TTC33: variants seen among roughly 807,000 people sequenced by gnomAD.
TTC33 encodes the protein tetratricopeptide repeat protein 33.
TTC33 carries 24 observed loss-of-function variants against 29.4 expected under a neutral mutation model. The ratio of observed to expected loss-of-function variants is 0.82; its 90% CI spans 0.59 to 1.15. TTC33 has a LOEUF of 1.15. Ranked by LOEUF, TTC33 falls within the 50% of genes most tolerant of loss-of-function variation. The pLI is 0.00. For missense variants in TTC33, 286 were observed against 310.4 expected (o/e 0.92, Z 0.59); for synonymous variants, 107 against 100.3 (o/e 1.07, Z -0.40).
rs762106277 is a variant in TTC33, at chr5:40,716,453, G to A, written c.481C>T (p.Pro161Ser). ...GAGAGGTCTTCTTTCCATATTTCAGGGTTCATTGGATAGATGTGAAGGGCT... is the reference window on the plus strand; with the variant it reads ...GAGAGGTCTTCTTTCCATATTTCAGAGTTCATTGGATAGATGTGAAGGGCT... Reference protein sequence around the residue: ...QVALHIYPMNPEIWKEDLSWA... With the variant: ...QVALHIYPMNSEIWKEDLSWA... Residue 161 changes from proline (P) to serine (S), a missense_variant, in exon 5 of 5, where the codon CCT becomes TCT. Pro to Ser is a moderately conservative substitution (Grantham distance 74, BLOSUM62 -1). Coordinates refer to ENST00000337702, the MANE Select transcript of TTC33 (RefSeq NM_012382.3). The A allele has an allele frequency of 1.2e-5, 19 of 1,613,250 alleles. No individual in the cohort carries two copies. Among genetic ancestry groups the A allele is most frequent in the Non-Finnish European group, 1.5e-5 (18 of 1,179,838 alleles).
chr5:40,723,709 AC>A (rs1188090916), intron 4 of TTC33, among the ~76,000 whole-genome samples: 1 of 152,112 alleles, frequency 6.6e-6, no homozygotes, highest in Non-Finnish European at 1.5e-5. Context: ...TACTAAAAAT[AC>A]AAAAATTAGC....
chr5:40,737,151 G>A (rs1742570262), intron 2 of TTC33, among the ~76,000 whole-genome samples: 1 of 152,128 alleles, frequency 6.6e-6, no homozygotes, highest in African/African-American at 2.4e-5. Context: ...CAAAAAATCA[G>A]CCAGGCATGG....
chr5:40,731,413 G>A (rs1179879303), intron 2 of TTC33, among the ~76,000 whole-genome samples: 1 of 152,106 alleles, frequency 6.6e-6, no homozygotes, highest in South Asian at 2.1e-4. Context: ...CTGCAATAAA[G>A]AACTGCCCAA....
At chr5:40,749,945 G>A (rs906592544) in intron 1 of TTC33, among the ~76,000 whole-genome samples, 9 of 151,880 alleles carry the variant, frequency 5.9e-5, no homozygotes, top group African/African-American at 2.2e-4. Context: ...AAAATTATCC[G>A]GGCGTGGTGG....
chr5:40,748,797 T>C (rs968400729), intron 1 of TTC33, among the ~76,000 whole-genome samples: 2 of 152,210 alleles, frequency 1.3e-5, no homozygotes, highest in South Asian at 4.1e-4. Flanking sequence ...AGATTCAAAC[T>C]TGGTAAACGA....
intron 2 of TTC33, among the ~76,000 whole-genome samples, chr5:40,745,981 C>G (rs556618730): frequency 6.6e-6 from 1 of 152,054 alleles, no homozygotes; most frequent in Non-Finnish European, 1.5e-5. Flanking sequence ...AGATACCATT[C>G]TATATTTTCT....
chr5:40,723,972 A>C (rs1489638264), intron 4 of TTC33, among the ~76,000 whole-genome samples: 1 of 152,218 alleles, frequency 6.6e-6, no homozygotes, highest in African/African-American at 2.4e-5. Flanking sequence ...GCCATTATGG[A>C]GTTTCTTCAA....
In TTC33 at chr5:40,746,975, G is replaced by A. The variant is rs2111933943; in HGVS notation, c.44C>T (p.Ser15Leu). ...GWKRKIGEKV[S>L]KVTSQQFEAE... Reference sequence around the variant, plus strand: ...TTCAAACTGCTGGGAAGTGACCTTTGAGACCTTCTCACCAATTTTCCTCTT... The same window carrying A: ...TTCAAACTGCTGGGAAGTGACCTTTAAGACCTTCTCACCAATTTTCCTCTT... Residue 15 changes from serine (S) to leucine (L), a missense_variant, in exon 2 of 5, where the codon TCA becomes TTA. By Grantham distance (145) the Ser-to-Leu change is moderately radical (BLOSUM62 -2). Transcript: ENST00000337702. The A allele has an allele frequency of 1.2e-6, 2 of 1,613,974 alleles. No homozygotes were observed. Among genetic ancestry groups the A allele is most frequent in the Middle Eastern group, 1.7e-4 (1 of 6,060 alleles).
chr5:40,716,844 T>C (rs1742011735), intron 4 of TTC33, among the ~76,000 whole-genome samples: 1 of 152,204 alleles, frequency 6.6e-6, no homozygotes, highest in Non-Finnish European at 1.5e-5. Context: ...ATCACAAAGG[T>C]ACCAGGAGTG....
intron 4 of TTC33, among the ~76,000 whole-genome samples, chr5:40,725,941 A>C (rs1742273679): frequency 6.6e-6 from 1 of 151,702 alleles, no homozygotes; most frequent in Admixed American, 6.6e-5. Context: ...GCCCGCCACC[A>C]CGTCCAGCTA....
Position 40,713,650 on chromosome 5 carries a change from T to C in TTC33, c.*2495A>G, listed in dbSNP as rs564060797. 8.9e-4 allele frequency among the ~76,000 whole-genome samples: 136 copies of C among 152,308 alleles called. No individual in the cohort carries two copies. Among genetic ancestry groups the C allele is most frequent in the African/African-American group, 3.2e-3 (132 of 41,586 alleles). ...GATTCTTGTGTTATCAGGCATGGTC[T>C]GGATGTCTAGACACTCTGACTAATG... On this transcript the variant is annotated 3_prime_UTR_variant, in exon 5 of 5. Transcript: ENST00000337702.
chr5:40,738,532 T>C (rs1294522191), intron 2 of TTC33, among the ~76,000 whole-genome samples: 1 of 127,580 alleles, frequency 7.8e-6, no homozygotes, highest in African/African-American at 2.9e-5. Flanking sequence ...TAAAATACAA[T>C]AAAATACAAT....
In TTC33 at chr5:40,713,691, C is replaced by A. The variant is rs1364075563; in HGVS notation, c.*2454G>T. 1.3e-5 allele frequency among the ~76,000 whole-genome samples: 2 copies of A among 152,096 alleles called. No homozygotes were observed. The highest frequency in any genetic ancestry group is 2.9e-5 in the Non-Finnish European group (2 of 68,012). Reference sequence around the variant, plus strand: ...CTGACTAATGAGTGTCTATGCCATACAATTCTCAAACAAGAATAATGTAAA... The same window carrying A: ...CTGACTAATGAGTGTCTATGCCATAAAATTCTCAAACAAGAATAATGTAAA... On this transcript the variant is annotated 3_prime_UTR_variant, in exon 5 of 5. Transcript: ENST00000337702.
At chr5:40,741,891 A>G (rs1742702860) in intron 2 of TTC33, among the ~76,000 whole-genome samples, 1 of 152,166 alleles carries the variant, frequency 6.6e-6, no homozygotes, top group Non-Finnish European at 1.5e-5. Flanking sequence ...CAGGAGGCTG[A>G]GGCAGGAGAA....
intron 4 of TTC33, 96 bp from the exon 5 acceptor site, chr5:40,716,594 C>T: frequency 1.3e-6 from 1 of 786,454 alleles, no homozygotes; most frequent in Non-Finnish European, 2.1e-6. Context: ...TGTACACATA[C>T]ACATCCTAAT....
chr5:40,751,961 GAA>G lies in TTC33; in HGVS notation c.-2+3861_-2+3862del, dbSNP rs61319403. Among the ~76,000 whole-genome samples, 158 of 126,914 alleles carry G rather than the reference GAA, an allele frequency of 1.2e-3. 1 individual carries two copies. Among genetic ancestry groups the G allele is most frequent in the African/African-American group, 2.7e-3 (92 of 34,064 alleles). The allele number at this position is 126,914 out of a possible 152,430, so 83.3% of individuals were successfully genotyped here. ...AACAGAGTGAAACTCCGTCTCAAAA[GAA>G]AAAAAAAAAAAAAAAGAAAATCTCA... On this transcript the variant is annotated intron_variant, in intron 1 of 4. Coordinates refer to ENST00000337702, the MANE Select transcript of TTC33 (RefSeq NM_012382.3).
At chr5:40,722,533 T>C (rs930231949) in intron 4 of TTC33, among the ~76,000 whole-genome samples, 14 of 148,806 alleles carry the variant, frequency 9.4e-5, no homozygotes, top group Non-Finnish European at 1.8e-4. Flanking sequence ...GTCTGGAATG[T>C]GAGGAGCGCC....
rs1741901980 is a variant in TTC33 at position 40,711,684 on chromosome 5, C to CTATA, written c.*4460_*4461insTATA. 6.6e-6 allele frequency among the ~76,000 whole-genome samples: 1 copy of CTATA among 151,946 alleles called. No homozygotes were observed. Among genetic ancestry groups the CTATA allele is most frequent in the Admixed American group, 6.6e-5 (1 of 15,234 alleles). On this transcript the variant is annotated 3_prime_UTR_variant, in exon 5 of 5. Coordinates refer to ENST00000337702, the MANE Select transcript of TTC33 (RefSeq NM_012382.3). ...AAACAAATTGTGGTATATCTATATA[C>CTATA]TAGAATACTATTCAGCAATAAAAAG... is the stretch of plus-strand genomic sequence containing the variant.
chr5:40,736,092 G>A (rs1198158707), intron 2 of TTC33, among the ~76,000 whole-genome samples: 1 of 152,204 alleles, frequency 6.6e-6, no homozygotes, highest in Admixed American at 6.5e-5. Flanking sequence ...CAACGTTCCT[G>A]AGAAGGCACA....
Sources: gnomAD v4.1 joint callset for allele counts (sites outside exome capture counted in the v4.1 genomes callset) on GRCh38, gnomAD v4.1.1 for gene constraint, MANE v1.5 for transcripts, NCBI Gene and HGNC (gene_info 2026-07-23, HGNC 2026-07-21) for gene names.